The following ATF2 variants were observed in gnomAD, a reference collection of about 807,000 sequenced individuals.
ATF2 encodes the protein activating transcription factor 2, also known as cyclic AMP-dependent transcription factor ATF-2.
In ATF2, 24 loss-of-function variants were observed where a neutral mutation model predicts 60.6. The ratio of observed to expected loss-of-function variants is 0.40; its 90% CI spans 0.29 to 0.56. ATF2 has a LOEUF of 0.56. ATF2 is among the 20% of genes least tolerant of loss of function. The pLI, the probability that ATF2 is intolerant of heterozygous loss-of-function variation, is 0.54. For missense variants in ATF2, 433 were observed against 607.7 expected (o/e 0.71, Z 3.02); for synonymous variants, 206 against 215.4 (o/e 0.96, Z 0.38).
At chr2:175,113,721 G>C (rs912026691) in intron 9 of ATF2, among the ~76,000 whole-genome samples, 44 of 151,652 alleles carry the variant, frequency 2.9e-4, no homozygotes, top group South Asian at 2.3e-3. Flanking sequence ...TGAAATCTGT[G>C]TTAATATTTG....
At chr2:175,122,231 T>C (rs1235654643) in intron 4 of ATF2, among the ~76,000 whole-genome samples, 1 of 152,000 alleles carries the variant, frequency 6.6e-6, no homozygotes, top group Admixed American at 6.6e-5. Context: ...TTTTCCTACC[T>C]CTAACTTGGA....
chr2:175,096,893 T>C (rs1694972282), intron 11 of ATF2, among the ~76,000 whole-genome samples: 1 of 152,194 alleles, frequency 6.6e-6, no homozygotes, highest in African/African-American at 2.4e-5. Context: ...ATAACATCAA[T>C]ACTTTGGTTA....
At chr2:175,085,466 T>A (rs980021727) in intron 12 of ATF2, among the ~76,000 whole-genome samples, 2 of 151,336 alleles carry the variant, frequency 1.3e-5, no homozygotes, top group Non-Finnish European at 2.9e-5. Flanking sequence ...ATTCAAGAGG[T>A]GGAGGTTGCA....
chr2:175,084,349 A>T (rs869066400), intron 12 of ATF2, among the ~76,000 whole-genome samples: 8 of 152,054 alleles, frequency 5.3e-5, no homozygotes, highest in Admixed American at 1.3e-4. Flanking sequence ...TGTAGGGACA[A>T]GGATGAAAAT....
At chr2:175,133,413 T>C (rs1015380546) in intron 3 of ATF2, among the ~76,000 whole-genome samples, 1 of 152,170 alleles carries the variant, frequency 6.6e-6, no homozygotes, top group Non-Finnish European at 1.5e-5. Context: ...TTTTCAATAA[T>C]TGGTTCTAGA....
intron 1 of ATF2, among the ~76,000 whole-genome samples, chr2:175,161,297 T>C (rs954043037): frequency 1.3e-5 from 2 of 152,228 alleles, no homozygotes; most frequent in African/African-American, 4.8e-5. Flanking sequence ...CTGTACTGCT[T>C]TCAAGCTACA....
chr2:175,135,224 A>G (rs1378011600), intron 3 of ATF2, among the ~76,000 whole-genome samples: 2 of 152,124 alleles, frequency 1.3e-5, no homozygotes, highest in African/African-American at 4.8e-5. Flanking sequence ...AGAAAAGTTG[A>G]TAGGAACTTC....
chr2:175,122,963 C>T (rs1288897671), intron 4 of ATF2, among the ~76,000 whole-genome samples: 2 of 152,026 alleles, frequency 1.3e-5, no homozygotes, highest in African/African-American at 4.8e-5. Flanking sequence ...CAACAGAAAA[C>T]TATTATTTTA....
chr2:175,134,633 T>C (rs1480742602), intron 3 of ATF2, among the ~76,000 whole-genome samples: 1 of 151,620 alleles, frequency 6.6e-6, no homozygotes, highest in Non-Finnish European at 1.5e-5. Context: ...AAAGAGTTGA[T>C]GAAGGAAAAG....
chr2:175,103,270 C>T (rs1263111425), intron 10 of ATF2, among the ~76,000 whole-genome samples: 2 of 152,166 alleles, frequency 1.3e-5, no homozygotes, highest in African/African-American at 4.8e-5. Flanking sequence ...TGGGTGTTAT[C>T]CTACCATCTG....
At chr2:175,118,437 A>T in intron 5 of ATF2, 68 bp from the exon 6 acceptor site, 1 of 1,310,726 alleles carries the variant, frequency 7.6e-7, no homozygotes, top group Non-Finnish European at 1.1e-6. Context: ...ATAGCTACTA[A>T]GTTAACAAAT....
chr2:175,101,270 C>A (rs531530527), intron 10 of ATF2, among the ~76,000 whole-genome samples: 6 of 151,860 alleles, frequency 4.0e-5, no homozygotes, highest in Admixed American at 3.3e-4. Context: ...CTTAGAAAAA[C>A]GATCAAGAAG....
intron 12 of ATF2, among the ~76,000 whole-genome samples, chr2:175,090,214 T>C (rs997706417): frequency 2.0e-5 from 3 of 152,176 alleles, no homozygotes; most frequent in Non-Finnish European, 4.4e-5. Context: ...TCTCTCTCTA[T>C]GGATTTATTT....
intron 1 of ATF2, among the ~76,000 whole-genome samples, chr2:175,159,504 TGA>T (rs1322141021): frequency 9.2e-5 from 14 of 152,012 alleles, no homozygotes; most frequent in Non-Finnish European, 2.1e-4. Flanking sequence ...ACAGCAGACA[TGA>T]GAGAGGTCCT....
intron 13 of ATF2, chr2:175,075,138 T>G: frequency 2.8e-6 from 3 of 1,080,968 alleles, no homozygotes; most frequent in Non-Finnish European, 2.4e-6. Context: ...AGATAGTCTC[T>G]TACAGATACA....
chr2:175,091,720 G>A (rs1349791249), intron 12 of ATF2, among the ~76,000 whole-genome samples: 4 of 151,906 alleles, frequency 2.6e-5, no homozygotes, highest in African/African-American at 4.8e-5. Context: ...AAAATTAGCC[G>A]GGTGTGGTGG....
At chr2:175,165,619 C>T (rs184435373) in intron 1 of ATF2, among the ~76,000 whole-genome samples, 36 of 152,238 alleles carry the variant, frequency 2.4e-4, no homozygotes, top group Admixed American at 2.2e-3. Flanking sequence ...ATCCTGAATA[C>T]CAATAAAGAC....
At chr2:175,134,979 G>C (rs945280656) in intron 3 of ATF2, among the ~76,000 whole-genome samples, 1 of 145,388 alleles carries the variant, frequency 6.9e-6, no homozygotes, top group Non-Finnish European at 1.5e-5. Context: ...AATCCAGCCT[G>C]GGTGACAAAA....
intron 10 of ATF2, among the ~76,000 whole-genome samples, chr2:175,106,410 C>A (rs1382965790): frequency 6.6e-6 from 1 of 151,026 alleles, no homozygotes; most frequent in Non-Finnish European, 1.5e-5. Flanking sequence ...GACTGTAATC[C>A]CAGCTACTAG....
Sources: allele counts gnomAD v4.1 joint callset (sites outside exome capture counted in the v4.1 genomes callset), GRCh38; gene constraint gnomAD v4.1.1; transcripts MANE v1.5; gene names NCBI Gene and HGNC (gene_info 2026-07-23, HGNC 2026-07-21).